Variants in SOX5 observed in about 807,000 individuals in gnomAD.
SOX5 encodes transcription factor SOX-5.
A neutral mutation model predicts 92.0 loss-of-function variants in SOX5; 9 were observed. The ratio of observed to expected loss-of-function variants is 0.10; its 90% CI spans 0.06 to 0.17. The LOEUF (loss-of-function observed/expected upper bound fraction) is 0.17, where lower values mean the gene tolerates loss of function less well. Among genes scored for constraint, SOX5 ranks in the 10% least tolerant of loss-of-function variants. The pLI is 1.00. For synonymous variants in SOX5, 344 were observed against 336.3 expected, an observed-to-expected ratio of 1.02 and a Z score of -0.25; for missense variants, 642 against 944.5, an observed-to-expected ratio of 0.68 and a Z score of 4.20.
chr12:24,536,170 C>T (rs955370690), intron 1 of SOX5, among the ~76,000 whole-genome samples: 2 of 152,210 alleles, frequency 1.3e-5, no homozygotes, highest in Admixed American at 6.5e-5. Flanking sequence ...ATAGGCCCTA[C>T]CTCAAAAGAT....
At chr12:23,850,196 C>G (rs546417682) in intron 2 of SOX5, among the ~76,000 whole-genome samples, 2 of 152,022 alleles carry the variant, frequency 1.3e-5, no homozygotes, top group South Asian at 2.1e-4. Flanking sequence ...TTTGGGAGAC[C>G]AAGGTGGGCA....
chr12:24,266,271 T>A (rs1021642284), intron 3 of SOX5, among the ~76,000 whole-genome samples: 2 of 152,188 alleles, frequency 1.3e-5, no homozygotes, highest in Non-Finnish European at 2.9e-5. Context: ...TAACACTATA[T>A]CCCTTTAGCT....
At chr12:23,902,986 A>C (rs1246437370) in intron 1 of SOX5, among the ~76,000 whole-genome samples, 1 of 152,198 alleles carries the variant, frequency 6.6e-6, no homozygotes, top group African/African-American at 2.4e-5. Flanking sequence ...AAACACGGCA[A>C]CTAAGATATG....
At chr12:24,156,792 C>T (rs1376348417) in intron 4 of SOX5, among the ~76,000 whole-genome samples, 2 of 152,008 alleles carry the variant, frequency 1.3e-5, no homozygotes, top group Non-Finnish European at 2.9e-5. Context: ...AAAGGTATTA[C>T]CATATTCTTT....
upstream of SOX5, among the ~76,000 whole-genome samples, chr12:23,953,043 G>T (rs962536878): frequency 4.6e-5 from 7 of 152,186 alleles, no homozygotes; most frequent in South Asian, 1.2e-3. Context: ...ATTTATAAAA[G>T]CTGTCATTAA....
chr12:23,897,489 A>G (rs1168492654), intron 1 of SOX5, among the ~76,000 whole-genome samples: 1 of 152,148 alleles, frequency 6.6e-6, no homozygotes, highest in Non-Finnish European at 1.5e-5. Context: ...TCTACCTCAT[A>G]AGGCTTTTTG....
chr12:24,530,964 TACTA>T (rs1193277589), intron 1 of SOX5, among the ~76,000 whole-genome samples: 1 of 152,192 alleles, frequency 6.6e-6, no homozygotes, highest in East Asian at 1.9e-4. Flanking sequence ...CTGAGTTTCT[TACTA>T]AATAAATCGG....
intron 2 of SOX5, 41 bp from the exon 3 acceptor site, chr12:23,846,234 AAGAG>A (rs1402221472): frequency 8.4e-6 from 12 of 1,424,796 alleles, no homozygotes; most frequent in Non-Finnish European, 1.2e-5. Flanking sequence ...GTTTACCTGA[AAGAG>A]AGAGCAAAAG....
At chr12:23,627,838 A>G (rs941913760) in intron 8 of SOX5, among the ~76,000 whole-genome samples, 1 of 148,932 alleles carries the variant, frequency 6.7e-6, no homozygotes, top group African/African-American at 2.5e-5. Flanking sequence ...GTTTTAAAGG[A>G]AAAAAAAAAC....
chr12:24,106,009 A>G (rs145406829), intron 4 of SOX5, among the ~76,000 whole-genome samples: 2,012 of 152,324 alleles, frequency 0.013, 29 homozygotes, highest in Non-Finnish European at 0.021. Context: ...CCCTTGGGAT[A>G]GTCAAAGATG....
intron 13 of SOX5, 116 bp downstream of exon 13, chr12:23,543,094 TG>T: frequency 1.4e-6 from 1 of 735,070 alleles, no homozygotes; most frequent in Non-Finnish European, 2.2e-6. Context: ...GTTTATTTTC[TG>T]GATAAGCAAA....
intron 1 of SOX5, among the ~76,000 whole-genome samples, chr12:24,405,262 CCAGA>C (rs1472956193): frequency 6.6e-6 from 1 of 152,052 alleles, no homozygotes; most frequent in Non-Finnish European, 1.5e-5. Flanking sequence ...ATGGTAAGTT[CCAGA>C]AAGAAGGCAG....
At chr12:23,968,034 A>G (rs117081124) in intron 4 of SOX5, among the ~76,000 whole-genome samples, 2,063 of 152,278 alleles carry the variant, frequency 0.014, 15 homozygotes, top group Non-Finnish European at 0.023. Context: ...TGTTTGCATC[A>G]TTCTCATTAT....
chr12:23,633,179 A>T (rs1203956578), intron 8 of SOX5, among the ~76,000 whole-genome samples: 2 of 152,168 alleles, frequency 1.3e-5, no homozygotes, highest in Admixed American at 1.3e-4. Flanking sequence ...TAAAGTGAGA[A>T]GTAAGTGGAT....
chr12:23,926,446 G>C (rs141578411), intron 1 of SOX5, among the ~76,000 whole-genome samples: 1 of 152,116 alleles, frequency 6.6e-6, no homozygotes, highest in East Asian at 1.9e-4. Context: ...CTAATTCATA[G>C]GTTTAGTATA....
intron 1 of SOX5, among the ~76,000 whole-genome samples, chr12:24,506,775 C>G (rs1249482414): frequency 7.7e-6 from 1 of 129,620 alleles, no homozygotes; most frequent in African/African-American, 2.8e-5. Flanking sequence ...TTCATGGTAT[C>G]CAAATGGTCT....
intron 4 of SOX5, among the ~76,000 whole-genome samples, chr12:24,094,454 C>CTTTTTTTTTTTTTTTTGT (rs1945076934): frequency 7.8e-6 from 1 of 127,734 alleles, no homozygotes. Flanking sequence ...CTATTAGTGG[C>CTTTTTTTTTTTTTTTTGT]TTTTTTTTTT....
At chr12:24,463,375 C>T (rs1315403256) in intron 1 of SOX5, among the ~76,000 whole-genome samples, 1 of 152,150 alleles carries the variant, frequency 6.6e-6, no homozygotes, top group Non-Finnish European at 1.5e-5. Context: ...AAAGCAAAGA[C>T]AGGAAGACCT....
intron 9 of SOX5, among the ~76,000 whole-genome samples, chr12:23,588,302 C>T (rs1161595557): frequency 2.0e-5 from 3 of 151,906 alleles, no homozygotes; most frequent in Admixed American, 6.6e-5. Context: ...TTAATTATAA[C>T]GATTTTGGAT....
Sources: allele counts gnomAD v4.1 joint callset (sites outside exome capture counted in the v4.1 genomes callset), GRCh38; gene constraint gnomAD v4.1.1; transcripts MANE v1.5; gene names NCBI Gene and HGNC (gene_info 2026-07-23, HGNC 2026-07-21).